The following ROBO1 variants were observed in gnomAD, a reference collection of about 807,000 sequenced individuals.
ROBO1 encodes roundabout guidance receptor 1.
Under a neutral mutation model 195.9 loss-of-function variants are expected in ROBO1, and 149 were observed. That is an observed-to-expected ratio of 0.76 (90% CI 0.67 to 0.87). The LOEUF is 0.87. Ranked by LOEUF, ROBO1 falls within the 40% of genes least tolerant of loss-of-function variation. The pLI is 0.00. For missense variants in ROBO1, 1,933 were observed against 2,068.3 expected, an observed-to-expected ratio of 0.93 and a Z score of 1.27; for synonymous variants, 816 against 733.2, an observed-to-expected ratio of 1.11 and a Z score of -1.82.
intron 1 of ROBO1, among the ~76,000 whole-genome samples, chr3:79,693,383 T>TTGTGTGTGTG (rs55667736): frequency 6.9e-6 from 1 of 145,124 alleles, no homozygotes; most frequent in African/African-American, 2.6e-5. Context: ...ATATAGAGAT[T>TTGTGTGTGTG]TGTGTGTGTG....
chr3:79,307,477 A>C (rs556705604), intron 2 of ROBO1, among the ~76,000 whole-genome samples: 1 of 152,310 alleles, frequency 6.6e-6, no homozygotes, highest in South Asian at 2.1e-4. Flanking sequence ...AAACTGAAAT[A>C]AACTGCACAT....
At chr3:79,661,466 C>T (rs1436919841) in intron 1 of ROBO1, among the ~76,000 whole-genome samples, 3 of 152,052 alleles carry the variant, frequency 2.0e-5, no homozygotes, top group African/African-American at 4.8e-5. Context: ...AAGAGTTCTG[C>T]CCATTCAAAT....
chr3:79,725,386 C>T (rs1260591459), intron 1 of ROBO1, among the ~76,000 whole-genome samples: 1 of 151,746 alleles, frequency 6.6e-6, no homozygotes, highest in Non-Finnish European at 1.5e-5. Flanking sequence ...GCCACCACGC[C>T]CGGCTAATTT....
intron 3 of ROBO1, among the ~76,000 whole-genome samples, chr3:79,107,797 AG>A (rs2079812402): frequency 6.6e-6 from 1 of 151,732 alleles, no homozygotes; most frequent in African/African-American, 2.4e-5. Flanking sequence ...ATGTTTGAGA[AG>A]TCTTAACTGT....
chr3:79,601,640 T>C (rs780310780), intron 1 of ROBO1, among the ~76,000 whole-genome samples: 3 of 151,954 alleles, frequency 2.0e-5, no homozygotes, highest in African/African-American at 7.2e-5. Context: ...ACATAAAAAC[T>C]ATAATACTCA....
intron 3 of ROBO1, among the ~76,000 whole-genome samples, chr3:79,085,538 G>C (rs1377395033): frequency 6.6e-6 from 1 of 152,136 alleles, no homozygotes; most frequent in Non-Finnish European, 1.5e-5. Flanking sequence ...TGGGCAAGTA[G>C]AATCAAAATG....
chr3:79,624,139 G>A (rs1945093585), intron 1 of ROBO1, among the ~76,000 whole-genome samples: 1 of 152,008 alleles, frequency 6.6e-6, no homozygotes, highest in South Asian at 2.1e-4. Flanking sequence ...TTCCAGACAA[G>A]CAAATGCTGA....
At chr3:79,645,518 A>T (rs9818688) in intron 1 of ROBO1, among the ~76,000 whole-genome samples, 4,897 of 152,132 alleles carry the variant, frequency 0.032, 281 homozygotes, top group African/African-American at 0.11. Flanking sequence ...AAATAAATAA[A>T]TAATTAATAT....
chr3:79,157,136 C>G (rs2080872958), intron 2 of ROBO1, among the ~76,000 whole-genome samples: 2 of 151,902 alleles, frequency 1.3e-5, no homozygotes, highest in South Asian at 4.1e-4. Flanking sequence ...TTGTCTCTCT[C>G]TTTGCTTATT....
chr3:78,813,812 C>A (rs533474000), intron 4 of ROBO1, among the ~76,000 whole-genome samples: 2 of 151,954 alleles, frequency 1.3e-5, no homozygotes, highest in South Asian at 4.1e-4. Context: ...TTATTGAAGT[C>A]CACTACAGGC....
At chr3:79,471,433 C>T (rs563408292) in intron 2 of ROBO1, among the ~76,000 whole-genome samples, 11 of 152,144 alleles carry the variant, frequency 7.2e-5, no homozygotes, top group African/African-American at 2.6e-4. Context: ...TAATTTCTAT[C>T]AATATCAGAT....
intron 2 of ROBO1, among the ~76,000 whole-genome samples, chr3:79,578,888 G>T (rs1345856336): frequency 1.3e-5 from 2 of 152,174 alleles, no homozygotes; most frequent in Non-Finnish European, 2.9e-5. Context: ...CATTATGTTT[G>T]CCACGTTTGT....
intron 1 of ROBO1, among the ~76,000 whole-genome samples, chr3:79,620,466 G>A (rs749285366): frequency 3.3e-5 from 5 of 151,936 alleles, no homozygotes; most frequent in Admixed American, 6.6e-5. Context: ...GGGTATCGAC[G>A]GCCAGGCTTC....
intron 2 of ROBO1, among the ~76,000 whole-genome samples, chr3:79,140,307 T>C (rs555810701): frequency 2.0e-5 from 3 of 152,290 alleles, no homozygotes; most frequent in African/African-American, 7.2e-5. Context: ...AATTATTTAC[T>C]TGATATTTTG....
chr3:79,654,322 C>A (rs981220897), intron 1 of ROBO1, among the ~76,000 whole-genome samples: 15 of 151,892 alleles, frequency 9.9e-5, no homozygotes, highest in Non-Finnish European at 2.1e-4. Context: ...TTGAGGAATG[C>A]AAAGATATTT....
intron 3 of ROBO1, among the ~76,000 whole-genome samples, chr3:79,110,786 C>A (rs1334323495): frequency 6.6e-6 from 1 of 151,606 alleles, no homozygotes; most frequent in Non-Finnish European, 1.5e-5. Context: ...CCACACCTGG[C>A]TAATTTTAAA....
At chr3:79,446,805 CA>C (rs1226396871) in intron 2 of ROBO1, among the ~76,000 whole-genome samples, 1 of 152,022 alleles carries the variant, frequency 6.6e-6, no homozygotes, top group African/African-American at 2.4e-5. Flanking sequence ...TTCTACATTT[CA>C]AAAAAGTTTT....
At chr3:78,977,237 T>G (rs1392474350) in intron 3 of ROBO1, among the ~76,000 whole-genome samples, 1 of 152,120 alleles carries the variant, frequency 6.6e-6, no homozygotes, top group African/African-American at 2.4e-5. Context: ...TCCCACAGTT[T>G]TCCTCTAATT....
intron 2 of ROBO1, among the ~76,000 whole-genome samples, chr3:79,412,605 A>G (rs1176564282): frequency 5.3e-5 from 8 of 152,156 alleles, no homozygotes; most frequent in Non-Finnish European, 1.5e-5. Context: ...CTGCTAAGAC[A>G]TGATAAAAAT....
Sources: gnomAD v4.1 joint callset for allele counts (sites outside exome capture counted in the v4.1 genomes callset) on GRCh38, gnomAD v4.1.1 for gene constraint, MANE v1.5 for transcripts, NCBI Gene and HGNC (gene_info 2026-07-23, HGNC 2026-07-21) for gene names.